EPYC: variants seen among roughly 807,000 people sequenced by gnomAD.
The protein encoded by EPYC is dermatan sulfate proteoglycan 3.
EPYC carries 28 observed loss-of-function variants against 30.1 expected under a neutral mutation model. The ratio of observed to expected loss-of-function variants is 0.93; its 90% CI spans 0.69 to 1.28. The LOEUF is 1.28. Among genes scored for constraint, EPYC ranks in the 50% most tolerant of loss-of-function variants. The probability of loss-of-function intolerance (pLI) is 0.00; values close to 1 mark genes in which losing one functional copy is unlikely to be tolerated. For missense variants in EPYC, 382 were observed against 383.5 expected (o/e 1.00, Z 0.03); for synonymous variants, 144 against 141.4 (o/e 1.02, Z -0.13).
At chr12:90,986,005 T>A (rs1565873976) in intron 2 of EPYC, among the ~76,000 whole-genome samples, 2 of 152,124 alleles carry the variant, frequency 1.3e-5, no homozygotes, top group Admixed American at 1.3e-4. Context: ...CCCACCTCCT[T>A]ATTTGTGATT....
Position 90,972,891 on chromosome 12 carries a change from TC to T in EPYC, c.429del (p.Asn144ThrfsTer23). ...HELDAIPPLP[K>X]NTAYFYSRFN... ...AAGCGGGAATAGAAATAAGCGGTGT[TC>T]TTTGGCAGCGGAGGAATAGCATCAA... is the stretch of plus-strand genomic sequence containing the variant. On this transcript the variant is annotated frameshift_variant, in exon 4 of 7. Transcript: ENST00000261172. LOFTEE classifies it high-confidence loss of function. The T allele has an allele frequency of 6.2e-7, 1 of 1,613,718 alleles. No individual in the cohort carries two copies. Among genetic ancestry groups the T allele is most frequent in the Non-Finnish European group, 8.5e-7 (1 of 1,179,668 alleles).
chr12:90,965,567 T>C (rs1876873555), intron 6 of EPYC, among the ~76,000 whole-genome samples: 1 of 152,170 alleles, frequency 6.6e-6, no homozygotes, highest in South Asian at 2.1e-4. Flanking sequence ...TGAGTTGGTA[T>C]CTCACTGTGT....
At chr12:90,964,428 A>C in intron 6 of EPYC, 102 bp from the exon 7 acceptor site, 1 of 803,168 alleles carries the variant, frequency 1.2e-6, no homozygotes, top group South Asian at 2.8e-5. Flanking sequence ...TTCTTTTGTT[A>C]TTTTCCTCAA....
At position 90,970,133 on chromosome 12, in the gene EPYC, A is replaced by C; in HGVS notation, c.709T>G (p.Tyr237Asp). The change falls in exon 6 of 7, where the codon TAT (tyrosine) becomes GAT (aspartate). Residue 237 changes from tyrosine (Y) to aspartate (D), a missense_variant. Coordinates refer to ENST00000261172, the MANE Select transcript of EPYC (RefSeq NM_004950.5). ...GTGAGGTACAGATGATGGAGATCAT[A>C]CATGTCCTGTAAACATTCCAAATGT... ...GIKQEAFKDM[Y>D]DLHHLYLTDN... The C allele has an allele frequency of 6.2e-7, 1 of 1,611,496 alleles. No homozygotes were observed. Among genetic ancestry groups the C allele is most frequent in the Non-Finnish European group, 8.5e-7 (1 of 1,177,700 alleles).
chr12:90,991,160 C>T (rs1259166104), intron 2 of EPYC, among the ~76,000 whole-genome samples: 1 of 152,112 alleles, frequency 6.6e-6, no homozygotes, highest in Admixed American at 6.5e-5. Context: ...TATTTGCATA[C>T]ATGCTATTTA....
intron 2 of EPYC, among the ~76,000 whole-genome samples, chr12:91,000,718 GT>G (rs1272685396): frequency 6.6e-6 from 1 of 151,984 alleles, no homozygotes; most frequent in African/African-American, 2.4e-5. Flanking sequence ...CTCTGGAATA[GT>G]TTGGGGGGAA....
At chr12:90,965,032 C>A (rs1876860601) in intron 6 of EPYC, among the ~76,000 whole-genome samples, 1 of 152,166 alleles carries the variant, frequency 6.6e-6, no homozygotes, top group South Asian at 2.1e-4. Flanking sequence ...CCCCTCCTCC[C>A]ACCCCAGCAA....
chr12:91,002,645 GA>G, intron 1 of EPYC, 67 bp from the exon 2 acceptor site: 1 of 1,249,986 alleles, frequency 8.0e-7, no homozygotes, highest in Non-Finnish European at 1.1e-6. Flanking sequence ...GCACTAAATA[GA>G]AATGATAAAT....
chr12:90,968,554 CAT>C (rs1023598772), intron 6 of EPYC, among the ~76,000 whole-genome samples: 1 of 152,038 alleles, frequency 6.6e-6, no homozygotes, highest in South Asian at 2.1e-4. Flanking sequence ...TAAAAACAGA[CAT>C]ATATATATTG....
chr12:90,973,224 T>A (rs1877098570), intron 3 of EPYC, among the ~76,000 whole-genome samples: 1 of 144,352 alleles, frequency 6.9e-6, no homozygotes, highest in African/African-American at 2.5e-5. Flanking sequence ...CTATTAGAAA[T>A]TCTATATTCA....
intron 2 of EPYC, among the ~76,000 whole-genome samples, chr12:90,988,503 A>C (rs1438525212): frequency 2.0e-5 from 3 of 152,164 alleles, no homozygotes; most frequent in African/African-American, 7.2e-5. Context: ...GAAAGGTTTC[A>C]TTGGATCTCA....
At chr12:90,998,998 C>T (rs1054271538) in intron 2 of EPYC, among the ~76,000 whole-genome samples, 1 of 152,088 alleles carries the variant, frequency 6.6e-6, no homozygotes, top group African/African-American at 2.4e-5. Flanking sequence ...GTCCTTCTAT[C>T]TTTTAAGTCA....
At chr12:90,993,698 A>G (rs1190885211) in intron 2 of EPYC, among the ~76,000 whole-genome samples, 2 of 151,412 alleles carry the variant, frequency 1.3e-5, no homozygotes, top group Non-Finnish European at 2.9e-5. Context: ...TCAGTAATAT[A>G]TATAAGATAT....
In EPYC at chr12:90,972,819, T is replaced by A. The variant is rs752060272; in HGVS notation, c.499+3A>T. On this transcript the variant is annotated splice_donor_region_variant and intron_variant, in intron 4 of 6. Transcript: ENST00000261172. ...TGAAGGCCGTTAATGCTGTCATCCA[T>A]ACTTAGGCTTGCAAAGTCATTTTTG... 1.1e-5 allele frequency: 18 copies of A among 1,612,932 alleles called. No individual in the cohort carries two copies. The highest frequency in any genetic ancestry group is 1.4e-5 in the Non-Finnish European group (16 of 1,179,276).
intron 2 of EPYC, among the ~76,000 whole-genome samples, chr12:90,986,913 CT>C (rs906786639): frequency 2.6e-5 from 4 of 152,126 alleles, no homozygotes; most frequent in Middle Eastern, 3.4e-3. Context: ...CTACATATTT[CT>C]TTTTTTTCCC....
At chr12:91,002,632 T>C in intron 1 of EPYC, 54 bp from the exon 2 acceptor site, 1 of 1,357,630 alleles carries the variant, frequency 7.4e-7, no homozygotes, top group African/African-American at 1.5e-5. Context: ...TTATGAATAG[T>C]TTGCACTAAA....
At chr12:90,986,348 G>GAAAATGCAGCA (rs1327347631) in intron 2 of EPYC, among the ~76,000 whole-genome samples, 1 of 152,118 alleles carries the variant, frequency 6.6e-6, no homozygotes, top group African/African-American at 2.4e-5. Context: ...GGCTTAGTAA[G>GAAAATGCAGCA]AAAATGCAGC....
intron 2 of EPYC, among the ~76,000 whole-genome samples, chr12:91,000,790 C>CT (rs201570018): frequency 0.037 from 2,845 of 77,296 alleles, 35 homozygotes; most frequent in East Asian, 0.071. Context: ...AATGCACTAA[C>CT]TTTTTTTTAA....
intron 2 of EPYC, among the ~76,000 whole-genome samples, chr12:90,994,930 G>A (rs1877664213): frequency 1.3e-5 from 2 of 151,898 alleles, no homozygotes; most frequent in Non-Finnish European, 2.9e-5. Context: ...AATTAATCTT[G>A]AAGCTACTCC....
Sources: gnomAD v4.1 joint callset for allele counts (sites outside exome capture counted in the v4.1 genomes callset) on GRCh38, gnomAD v4.1.1 for gene constraint, MANE v1.5 for transcripts, NCBI Gene and HGNC (gene_info 2026-07-23, HGNC 2026-07-21) for gene names.